The following GPBP1 variants were observed in gnomAD, a reference collection of about 807,000 sequenced individuals.
GPBP1 encodes vasculin.
GPBP1 carries 13 observed loss-of-function variants against 56.5 expected under a neutral mutation model. The ratio of observed to expected loss-of-function variants is 0.23; its 90% CI spans 0.15 to 0.37. The LOEUF is 0.37. Among genes scored for constraint, GPBP1 ranks in the 10% least tolerant of loss-of-function variants. GPBP1 has a pLI of 1.00. For synonymous variants in GPBP1, 204 were observed against 188.9 expected (o/e 1.08, Z -0.66); for missense variants, 477 against 572.3 (o/e 0.83, Z 1.70).
chr5:57,244,409 G>A lies in GPBP1; in HGVS notation c.479-1891G>A, dbSNP rs1452599482. Among the ~76,000 whole-genome samples, 6 of 152,154 alleles carry A rather than the reference G, an allele frequency of 3.9e-5. No individual in the cohort carries two copies. In the South Asian group the frequency reaches 1.2e-3, roughly 32 times the overall value. ...ATAAACTTGTGTGCTTAGCCACATT[G>A]AACTAGAAGTCTCTGTTAGCCATGT... On this transcript the variant is annotated intron_variant, in intron 6 of 11. Transcript: ENST00000506184.
intron 2 of GPBP1, among the ~76,000 whole-genome samples, chr5:57,193,646 G>C (rs931178560): frequency 7.0e-6 from 1 of 142,688 alleles, no homozygotes; most frequent in African/African-American, 2.6e-5. Flanking sequence ...ACTATGAAAA[G>C]TATTCTGTCT....
chr5:57,252,538 G>A (rs1336834218), intron 10 of GPBP1, among the ~76,000 whole-genome samples: 1 of 151,972 alleles, frequency 6.6e-6, no homozygotes, highest in African/African-American at 2.4e-5. Context: ...CCACAGGTGT[G>A]CACCACCATA....
At position 57,230,998 on chromosome 5, in the gene GPBP1, G is replaced by A. The variant is rs753968272; in HGVS notation, c.187+29G>A. On this transcript the variant is annotated intron_variant, in intron 4 of 11. Transcript: ENST00000506184. ...AAATTTGCTAAGGAATGATGTTTAT[G>A]GCTAATTTTCTTTATGATTTTTAAA... 3.2e-6 allele frequency: 5 copies of A among 1,587,052 alleles called. No individual in the cohort carries two copies. In the Admixed American group the frequency reaches 9.3e-5, roughly 29 times the overall value.
intron 10 of GPBP1, among the ~76,000 whole-genome samples, chr5:57,255,227 TTCCTC>T (rs879935994): frequency 2.0e-5 from 3 of 152,098 alleles, no homozygotes; most frequent in Non-Finnish European, 2.9e-5. Flanking sequence ...TCTCTCCCCT[TTCCTC>T]TCCTCCCCTC....
In GPBP1 at chr5:57,221,999, A is replaced by G. The variant is rs193124002; in HGVS notation, c.63+7806A>G. On this transcript the variant is annotated intron_variant, in intron 3 of 11. Coordinates refer to ENST00000506184, the MANE Select transcript of GPBP1 (RefSeq NM_022913.4). ...TATTCTGGGCTTTAGAGAAAATTTTAAATGAAACTTTTTTTTTCAACTTTA... is the reference window on the plus strand; with the variant it reads ...TATTCTGGGCTTTAGAGAAAATTTTGAATGAAACTTTTTTTTTCAACTTTA... Among the ~76,000 whole-genome samples, 8 of 152,196 alleles carry G rather than the reference A, an allele frequency of 5.3e-5. No homozygotes were observed. The East Asian group carries it at 1.3e-3, about 26-fold the overall frequency.
intron 7 of GPBP1, 108 bp downstream of exon 7, chr5:57,246,592 G>A: frequency 1.2e-6 from 1 of 841,396 alleles, no homozygotes; most frequent in Non-Finnish European, 1.8e-6. Flanking sequence ...ACTTCGTGGG[G>A]TGCTGAGTTC....
intron 2 of GPBP1, among the ~76,000 whole-genome samples, chr5:57,189,088 G>A (rs757156912): frequency 2.6e-5 from 4 of 152,054 alleles, no homozygotes; most frequent in Non-Finnish European, 5.9e-5. Context: ...TGCCTCCCAA[G>A]TAGCTGGGAT....
chr5:57,231,808 G>GT (rs2111858213), intron 5 of GPBP1, among the ~76,000 whole-genome samples: 1 of 152,290 alleles, frequency 6.6e-6, no homozygotes, highest in Non-Finnish European at 1.5e-5. Context: ...ACTGGATTGA[G>GT]ATAGGCAAAG....
chr5:57,193,459 C>A (rs947923199), intron 2 of GPBP1, among the ~76,000 whole-genome samples: 1 of 151,394 alleles, frequency 6.6e-6, no homozygotes, highest in Admixed American at 6.6e-5. Context: ...CAAAAAAATA[C>A]AAAAACGACC....
At chr5:57,230,583 A>G (rs1037811223) in intron 3 of GPBP1, 4 of 412,286 alleles carry the variant, frequency 9.7e-6, no homozygotes, top group Admixed American at 4.2e-5. Flanking sequence ...TGTTTTCCAT[A>G]CAGTGGCATT....
chr5:57,182,844 C>A (rs1006947613), intron 2 of GPBP1, among the ~76,000 whole-genome samples: 2 of 151,970 alleles, frequency 1.3e-5, no homozygotes, highest in Non-Finnish European at 2.9e-5. Context: ...TCACCATGCT[C>A]GGCTAATTTT....
At chr5:57,179,380 G>A (rs888790369) in intron 2 of GPBP1, among the ~76,000 whole-genome samples, 13 of 151,856 alleles carry the variant, frequency 8.6e-5, no homozygotes, top group Non-Finnish European at 1.3e-4. Context: ...ACAGGGTCTC[G>A]CTCTCTCACC....
intron 3 of GPBP1, among the ~76,000 whole-genome samples, chr5:57,226,461 TAATG>T (rs922984582): frequency 1.3e-5 from 2 of 151,634 alleles, no homozygotes; most frequent in African/African-American, 2.4e-5. Context: ...AGTGGAATAA[TAATG>T]GGAAAATTCA....
intron 2 of GPBP1, among the ~76,000 whole-genome samples, chr5:57,207,585 C>T (rs1297720860): frequency 6.6e-6 from 1 of 152,196 alleles, no homozygotes; most frequent in Admixed American, 6.5e-5. Context: ...TGTGTTAGCT[C>T]AGTTAGATGC....
chr5:57,176,632 A>G (rs1267228679), intron 2 of GPBP1, among the ~76,000 whole-genome samples: 1 of 152,236 alleles, frequency 6.6e-6, no homozygotes. Flanking sequence ...CTAAGCTACA[A>G]GTTTTTGCGC....
chr5:57,215,333 GCA>G (rs1755656399), intron 3 of GPBP1, among the ~76,000 whole-genome samples: 1 of 152,212 alleles, frequency 6.6e-6, no homozygotes, highest in African/African-American at 2.4e-5. Flanking sequence ...AAGGGTTTGT[GCA>G]CAGTCACTTT....
chr5:57,184,127 G>T (rs1754184143), intron 2 of GPBP1, among the ~76,000 whole-genome samples: 1 of 152,058 alleles, frequency 6.6e-6, no homozygotes, highest in Admixed American at 6.6e-5. Flanking sequence ...AGCTACTTGG[G>T]AGGCTGAGGC....
intron 2 of GPBP1, among the ~76,000 whole-genome samples, chr5:57,177,648 C>CTTTTTTTTTTTTTT: frequency 1.1e-5 from 1 of 92,242 alleles, no homozygotes; most frequent in Non-Finnish European, 2.0e-5. Context: ...CAATTTTTGC[C>CTTTTTTTTTTTTTT]TTTTTTTTTT....
At chr5:57,258,432 TACTGA>T (rs899888728) in intron 10 of GPBP1, among the ~76,000 whole-genome samples, 4 of 152,214 alleles carry the variant, frequency 2.6e-5, no homozygotes, top group Non-Finnish European at 4.4e-5. Flanking sequence ...CATGTTACTG[TACTGA>T]ATATTGTATA....
Sources: gnomAD v4.1 joint callset for allele counts (sites outside exome capture counted in the v4.1 genomes callset) on GRCh38, gnomAD v4.1.1 for gene constraint, MANE v1.5 for transcripts, NCBI Gene and HGNC (gene_info 2026-07-23, HGNC 2026-07-21) for gene names.